The following PTPRN variants were observed in gnomAD, a reference collection of about 807,000 sequenced individuals.
PTPRN encodes protein tyrosine phosphatase receptor type N, also known as receptor-type tyrosine-protein phosphatase-like N.
In PTPRN, 70 loss-of-function variants were observed where a neutral mutation model predicts 108.5. The ratio of observed to expected loss-of-function variants is 0.65; its 90% CI spans 0.53 to 0.79. PTPRN has a LOEUF of 0.79. Ranked by LOEUF, PTPRN falls within the 30% of genes least tolerant of loss-of-function variation. The pLI is 0.00. For synonymous variants in PTPRN, 496 were observed against 524.6 expected (o/e 0.95, Z 0.75); for missense variants, 1,136 against 1,295.5 (o/e 0.88, Z 1.89).
chr2:219,292,720 A>G (rs546810051), intron 19 of PTPRN: 11 of 152,278 alleles, frequency 7.2e-5, no homozygotes, highest in African/African-American at 2.2e-4. Flanking sequence ...GGGGTCCCCA[A>G]TCCCTGGGCC....
chr2:219,289,646 TA>T lies in PTPRN; in HGVS notation c.*579del, dbSNP rs1392371297. On this transcript the variant is annotated 3_prime_UTR_variant, in exon 23 of 23. Transcript: ENST00000295718. ...GGTTGCAGCTGCACAGACAACACAC[TA>T]ACTTTATTCACACTGGTACAAAAGT... 1 of 156,622 alleles carries T rather than the reference TA, an allele frequency of 6.4e-6. No homozygotes were observed. Among genetic ancestry groups the T allele is most frequent in the Non-Finnish European group, 1.4e-5 (1 of 70,492 alleles). 9.7% of individuals were successfully genotyped at this position (156,622 alleles called of 1,614,324 possible).
rs1316568094 is a variant in PTPRN, at chr2:219,302,608, G to A, written c.607C>T (p.Pro203Ser). ...QPPHPSLSYE[P>S]ALLQPYLFHQ... The stretch of plus-strand genomic sequence containing the variant: ...AACAGGTAGGGCTGCAGCAAGGCAG[G>A]TTCGTAACTCAGTGAAGGGTGGGGA... Residue 203 changes from proline to serine, a missense_variant, in exon 5 of 23, where the codon CCT becomes TCT. Coordinates refer to ENST00000295718, the MANE Select transcript of PTPRN (RefSeq NM_002846.4). The A allele has an allele frequency of 3.1e-6, 5 of 1,614,010 alleles. No individual in the cohort carries two copies. The highest frequency in any genetic ancestry group is 4.2e-6 in the Non-Finnish European group (5 of 1,179,956).
rs1001110762 is a variant in PTPRN, at chr2:219,302,365, G to A, written c.766C>T (p.His256Tyr). The part of the protein sequence containing the change: ...RTASKGIFGD[H>Y]PGHSYGDLPG... Reference sequence around the variant, plus strand: ...AGGTCCCCGTAGGAGTGGCCAGGGTGGTCCCCAAATATGCCCTTGGAGGCA... The same window carrying A: ...AGGTCCCCGTAGGAGTGGCCAGGGTAGTCCCCAAATATGCCCTTGGAGGCA... Residue 256 changes from histidine to tyrosine, a missense_variant, in exon 6 of 23, where the codon CAC (histidine) becomes TAC (tyrosine). By Grantham distance (83) the His-to-Tyr change is moderately conservative. Transcript: ENST00000295718. The A allele has an allele frequency of 5.6e-6, 9 of 1,613,710 alleles. No homozygotes were observed. In the African/African-American group the frequency reaches 6.7e-5, roughly 12 times the overall value.
In PTPRN at chr2:219,296,937, C is replaced by G. The variant is rs370494312; in HGVS notation, c.2236+48G>C. 6.2e-7 allele frequency: 1 copy of G among 1,612,560 alleles called. No individual in the cohort carries two copies. Among genetic ancestry groups the G allele is most frequent in the African/African-American group, 1.3e-5 (1 of 74,902 alleles). ...CCCTTACCCCAAGCCCTCCAGACCT[C>G]GCAGCAGAGAGAGGGCTGGGCCAGG... On this transcript the variant is annotated intron_variant, in intron 15 of 22. Coordinates refer to ENST00000295718, the MANE Select transcript of PTPRN (RefSeq NM_002846.4). The surrounding 1 kb of genome is among the most constrained non-coding windows in gnomAD (Gnocchi z 6.0).
Position 219,302,579 on chromosome 2 carries a change from G to T in PTPRN, c.636C>A (p.His212Gln), listed in dbSNP as rs1259364569. Residue 212 changes from histidine to glutamine, a missense_variant, in exon 5 of 23, where the codon CAC becomes CAA. His to Gln is a conservative substitution (Grantham distance 24, BLOSUM62 0). Transcript: ENST00000295718. Reference protein sequence around the residue: ...EPALLQPYLFHQFGSRDGSRV... With the variant: ...EPALLQPYLFQQFGSRDGSRV... ...GGGACCAGAGTCAAGGACTTACCTG[G>T]TGGAACAGGTAGGGCTGCAGCAAGG... is the stretch of plus-strand genomic sequence containing the variant. The T allele has an allele frequency of 6.2e-7, 1 of 1,614,022 alleles. No homozygotes were observed. Among genetic ancestry groups the T allele is most frequent in the Non-Finnish European group, 8.5e-7 (1 of 1,179,948 alleles).
chr2:219,298,942 T>G, intron 12 of PTPRN, 105 bp downstream of exon 12: 1 of 1,374,178 alleles, frequency 7.3e-7, no homozygotes, highest in Non-Finnish European at 1.0e-6. Context: ...CAGCCGTGCC[T>G]ACGGACACGT....
chr2:219,299,730 T>C lies in PTPRN; in HGVS notation c.1493A>G (p.His498Arg), dbSNP rs934828455. Reference sequence around the variant, plus strand: ...GTTGATGAAGCTGCCTGAGGACATGTGCACATGCTCAGCCAGGATCTCCAG... The same window carrying C: ...GTTGATGAAGCTGCCTGAGGACATGCGCACATGCTCAGCCAGGATCTCCAG... Reference protein sequence around the residue: ...KLLEILAEHVHMSSGSFINIS... With the variant: ...KLLEILAEHVRMSSGSFINIS... Residue 498 changes from histidine to arginine, a missense_variant, in exon 10 of 23, where the codon CAC becomes CGC. Physicochemically the swap from His to Arg is conservative, Grantham distance 29 (BLOSUM62 0). Coordinates refer to ENST00000295718, the MANE Select transcript of PTPRN (RefSeq NM_002846.4). The C allele has an allele frequency of 4.3e-6, 7 of 1,609,228 alleles. No individual in the cohort carries two copies. Among genetic ancestry groups the C allele is most frequent in the Non-Finnish European group, 6.0e-6 (7 of 1,176,178 alleles).
rs988242592 is a variant in PTPRN, at chr2:219,301,994, A to G, written c.994+143T>C. The G allele has an allele frequency of 1.6e-5, 14 of 880,700 alleles. No homozygotes were observed. The African/African-American group carries it at 2.4e-4, about 15-fold the overall frequency. The allele number at this position is 880,700 out of a possible 1,614,324, so 54.6% of individuals were successfully genotyped here. A position where few individuals can be genotyped will look rare whatever the true frequency, so the allele number is the denominator to read the frequency against. ...ACCACTTCCCTAGTGCCTGGCATAGAACAGCTTGTCAGTAGACATTCCTTA... is the reference window on the plus strand; with the variant it reads ...ACCACTTCCCTAGTGCCTGGCATAGGACAGCTTGTCAGTAGACATTCCTTA... On this transcript the variant is annotated intron_variant, in intron 6 of 22. Transcript: ENST00000295718.
chr2:219,296,241 G>A lies in PTPRN; in HGVS notation c.2493C>T (p.Leu831=), dbSNP rs1952191290. The A allele has an allele frequency of 6.2e-7, 1 of 1,614,192 alleles. No individual in the cohort carries two copies. Among genetic ancestry groups the A allele is most frequent in the East Asian group, 2.2e-5 (1 of 44,880 alleles). ...DRYWPDEGAS[L]YHVYEVNLVS... ...CCCTGCTGACCTCATATACGTGGTA[G>A]AGGGAGGCACCCTCATCTGGCCAGT... Residue 831 remains leucine (L), a synonymous_variant, in exon 18 of 23, where the codon CTC becomes CTT. Coordinates refer to ENST00000295718, the MANE Select transcript of PTPRN (RefSeq NM_002846.4). This position sits in a 1 kb window ranked among gnomAD's most constrained non-coding sequence, Gnocchi z 6.0.
rs945530989 is a variant in PTPRN at position 219,296,165 on chromosome 2, G to A, written c.2508+61C>T. The A allele has an allele frequency of 5.0e-6, 8 of 1,597,010 alleles. No homozygotes were observed. Among genetic ancestry groups the A allele is most frequent in the South Asian group, 4.4e-5 (4 of 90,526 alleles). On this transcript the variant is annotated intron_variant, in intron 18 of 22. Coordinates refer to ENST00000295718, the MANE Select transcript of PTPRN (RefSeq NM_002846.4). The surrounding 1 kb of genome is among the most constrained non-coding windows in gnomAD (Gnocchi z 6.0). ...GCTCATTTGGTGAAGAAAACGTTACGAAAAGGCCATCATCTACTCTTCCCA... is the reference window on the plus strand; with the variant it reads ...GCTCATTTGGTGAAGAAAACGTTACAAAAAGGCCATCATCTACTCTTCCCA...
rs1952417858 is a variant in PTPRN, at chr2:219,303,814, C to A, written c.298G>T (p.Asp100Tyr). 1 of 1,613,124 alleles carries A rather than the reference C, an allele frequency of 6.2e-7. No homozygotes were observed. Among genetic ancestry groups the A allele is most frequent in the Non-Finnish European group, 8.5e-7 (1 of 1,179,490 alleles). Residue 100 changes from aspartate to tyrosine, a missense_variant, in exon 4 of 23, where the codon GAC (aspartate) becomes TAC (tyrosine). By Grantham distance (160) the Asp-to-Tyr change is radical. Coordinates refer to ENST00000295718, the MANE Select transcript of PTPRN (RefSeq NM_002846.4). The part of the protein sequence containing the change: ...LMSQGLSWHD[D>Y]LTQYVISQEM... ...TGAGAGATCACATACTGGGTGAGGT[C>A]ATCGTGCCAGGACAATCCTGTCAGG... is the stretch of plus-strand genomic sequence containing the variant.
At chr2:219,295,395 C>A in intron 18 of PTPRN, 1 of 491,888 alleles carries the variant, frequency 2.0e-6, no homozygotes. Flanking sequence ...CCCTCTTCCT[C>A]GCAGGGTCTA....
In PTPRN at chr2:219,296,179, C is replaced by A. The variant is rs761965533; in HGVS notation, c.2508+47G>T. 2.5e-6 allele frequency: 4 copies of A among 1,604,822 alleles called. No individual in the cohort carries two copies. The highest frequency in any genetic ancestry group is 2.2e-5 in the East Asian group (1 of 44,584). Reference sequence around the variant, plus strand: ...GAAAACGTTACGAAAAGGCCATCATCTACTCTTCCCACATCCATTGTCCCC... The same window carrying A: ...GAAAACGTTACGAAAAGGCCATCATATACTCTTCCCACATCCATTGTCCCC... On this transcript the variant is annotated intron_variant, in intron 18 of 22. Coordinates refer to ENST00000295718, the MANE Select transcript of PTPRN (RefSeq NM_002846.4). This position sits in a 1 kb window ranked among gnomAD's most constrained non-coding sequence, Gnocchi z 6.0.
chr2:219,290,275 G>A lies in PTPRN; in HGVS notation c.2891C>T (p.Thr964Ile). 1 of 1,613,944 alleles carries A rather than the reference G, an allele frequency of 6.2e-7. No individual in the cohort carries two copies. Among genetic ancestry groups the A allele is most frequent in the Non-Finnish European group, 8.5e-7 (1 of 1,179,886 alleles). The change falls in exon 23 of 23, where the codon ACA becomes ATA. Residue 964 changes from threonine to isoleucine, a missense_variant. By Grantham distance (89) the Thr-to-Ile change is moderately conservative. Coordinates refer to ENST00000295718, the MANE Select transcript of PTPRN (RefSeq NM_002846.4). This position sits in a 1 kb window ranked among gnomAD's most constrained non-coding sequence, Gnocchi z 4.2. The part of the protein sequence containing the change: ...RSKDQFEFAL[T>I]AVAEEVNAIL... ...GGCATTCACTTCCTCCGCCACGGCT[G>A]TCAGGGCAAATTCAAACTGGTCCTG... is the stretch of plus-strand genomic sequence containing the variant.
intron 7 of PTPRN, 78 bp from the exon 8 acceptor site, chr2:219,301,055 A>G: frequency 7.2e-7 from 1 of 1,389,202 alleles, no homozygotes; most frequent in Non-Finnish European, 1.0e-6. Flanking sequence ...AGAAAGGGCC[A>G]GAGACCCTGA....
At chr2:219,294,861 G>A in intron 19 of PTPRN, 114 bp downstream of exon 19, 1 of 1,123,040 alleles carries the variant, frequency 8.9e-7, no homozygotes, top group Non-Finnish European at 1.2e-6. Context: ...CGGGCGGCCA[G>A]AAGTCAGAGG....
rs975734467 is a variant in PTPRN at position 219,299,297 on chromosome 2, A to G, written c.1603+8T>C. The G allele has an allele frequency of 1.1e-5, 17 of 1,613,952 alleles. No homozygotes were observed. The African/African-American group carries it at 1.7e-4, about 16-fold the overall frequency. On this transcript the variant is annotated splice_region_variant and intron_variant, in intron 11 of 22. Coordinates refer to ENST00000295718, the MANE Select transcript of PTPRN (RefSeq NM_002846.4). ...CAAGCCTGGGATTGAGGTCGCAGAG[A>G]TATTTACCTGCTTGTTGGGTCACAT...
intron 19 of PTPRN, 109 bp from the exon 20 acceptor site, chr2:219,291,632 G>T: frequency 9.1e-7 from 1 of 1,100,482 alleles, no homozygotes. Context: ...CCACCTGCCC[G>T]GGGCAGAGAG....
rs4564762 is a variant in PTPRN, at chr2:219,306,076, G to C, written c.280+1368C>G. ...GAGGCAGGAGAATCACTTGAACCTG[G>C]GAGGTGGAGGTTCCAGTGAGCAAGA... On this transcript the variant is annotated intron_variant, in intron 3 of 22. Transcript: ENST00000295718. 2.9e-3 allele frequency among the ~76,000 whole-genome samples: 445 copies of C among 152,240 alleles called. 2 individuals are homozygous for C. The highest frequency in any genetic ancestry group is 9.6e-3 in the African/African-American group (399 of 41,540).
Sources: allele counts gnomAD v4.1 joint callset (sites outside exome capture counted in the v4.1 genomes callset), GRCh38; gene constraint gnomAD v4.1.1; non-coding constraint Gnocchi (gnomAD v3.1); transcripts MANE v1.5; gene names NCBI Gene and HGNC (gene_info 2026-07-23, HGNC 2026-07-21).